Variants in NAA11 observed in about 807,000 individuals in gnomAD.
The protein encoded by NAA11 is N-alpha-acetyltransferase 11.
NAA11 carries 15 observed loss-of-function variants against 16.1 expected under a neutral mutation model. The observed-to-expected ratio is 0.93, with a 90% CI of 0.62 to 1.44. NAA11 has a LOEUF of 1.44. Among genes scored for constraint, NAA11 ranks in the 40% most tolerant of loss-of-function variants. The pLI is 0.00. For synonymous variants in NAA11, 122 were observed against 112.4 expected (o/e 1.09, Z -0.54); for missense variants, 298 against 291.3 (o/e 1.02, Z -0.17).
At chr4:79,200,260 TA>T in the NAA11 span, among the ~76,000 whole-genome samples, 2 of 151,898 alleles carry the variant, frequency 1.3e-5, no homozygotes, top group Non-Finnish European at 2.9e-5. Context: ...TTAATATACC[TA>T]AAAAACTCAG....
intron 2 of NAA11, among the ~76,000 whole-genome samples, chr4:79,236,619 A>T (rs1237305089): frequency 2.0e-5 from 3 of 152,178 alleles, no homozygotes; most frequent in Admixed American, 1.3e-4. Flanking sequence ...TAAAATCTTA[A>T]TTATATCATT....
Position 79,317,182 on chromosome 4 carries a change from T to G in NAA11, c.*622A>C, listed in dbSNP as rs1462506710. ...AAATCTCCAAGTTCTGATTGTACAG[T>G]AGAAGCTCCTAACTTAACACCTTTT... On this transcript the variant is annotated 3_prime_UTR_variant, in exon 2 of 2. Transcript: ENST00000286794. 2.0e-5 allele frequency: 3 copies of G among 152,236 alleles called. No homozygotes were observed. The highest frequency in any genetic ancestry group is 2.9e-5 in the Non-Finnish European group (2 of 68,022). The allele number at this position is 152,236 out of a possible 1,614,324, so 9.4% of individuals were successfully genotyped here. A position where few individuals can be genotyped will look rare whatever the true frequency, so the allele number is the denominator to read the frequency against.
At chr4:79,284,050 G>A (rs551407229) in intron 2 of NAA11, among the ~76,000 whole-genome samples, 40 of 152,016 alleles carry the variant, frequency 2.6e-4, no homozygotes, top group Non-Finnish European at 5.0e-4. Context: ...GGGTAGATGG[G>A]GCAGTACATG....
intron 2 of NAA11, among the ~76,000 whole-genome samples, chr4:79,242,056 C>T (rs1721708332): frequency 6.6e-6 from 1 of 152,216 alleles, no homozygotes; most frequent in Non-Finnish European, 1.5e-5. Flanking sequence ...CTGCTTCTTG[C>T]TCCTCATGCT....
downstream of NAA11, among the ~76,000 whole-genome samples, chr4:79,315,099 G>C (rs1199963527): frequency 6.6e-6 from 1 of 151,788 alleles, no homozygotes; most frequent in Non-Finnish European, 1.5e-5. Context: ...TGAGCTTTAA[G>C]ACCCTTACTA....
chr4:79,265,370 A>C (rs145025720), intron 2 of NAA11, among the ~76,000 whole-genome samples: 2 of 152,236 alleles, frequency 1.3e-5, no homozygotes, highest in East Asian at 3.9e-4. Context: ...CTTAAAACTT[A>C]AGTCCAAACA....
At chr4:79,171,987 A>T in the NAA11 span, among the ~76,000 whole-genome samples, 2 of 152,146 alleles carry the variant, frequency 1.3e-5, no homozygotes, top group East Asian at 3.8e-4. Flanking sequence ...TTTTTATTTT[A>T]TGAGTGTAGA....
chr4:79,246,219 C>T (rs968977528), intron 2 of NAA11, among the ~76,000 whole-genome samples: 19 of 151,940 alleles, frequency 1.3e-4, no homozygotes, highest in African/African-American at 4.4e-4. Flanking sequence ...CTCAAGTACC[C>T]AGGGACACAA....
At chr4:79,194,392 C>T in the NAA11 span, among the ~76,000 whole-genome samples, 1 of 151,996 alleles carries the variant, frequency 6.6e-6, no homozygotes, top group Admixed American at 6.6e-5. Flanking sequence ...ATAAGTACAA[C>T]ATAGTGTGTT....
chr4:79,160,358 G>A, the NAA11 span, among the ~76,000 whole-genome samples: 1 of 152,058 alleles, frequency 6.6e-6, no homozygotes, highest in Non-Finnish European at 1.5e-5. Flanking sequence ...CATTTTTTAT[G>A]GACTATTGTT....
chr4:79,283,904 TG>T (rs1274726473), intron 2 of NAA11, among the ~76,000 whole-genome samples: 1 of 152,114 alleles, frequency 6.6e-6, no homozygotes, highest in Admixed American at 6.5e-5. Flanking sequence ...TTATGTTAAT[TG>T]GAATTATATT....
intron 2 of NAA11, among the ~76,000 whole-genome samples, chr4:79,278,346 C>G (rs1363919019): frequency 6.6e-6 from 1 of 152,040 alleles, no homozygotes; most frequent in Admixed American, 6.6e-5. Flanking sequence ...TTCCATATTG[C>G]CAAAAGAAGA....
At chr4:79,314,012 G>C (rs1171626866), downstream of NAA11, among the ~76,000 whole-genome samples, 5 of 152,144 alleles carry the variant, frequency 3.3e-5, no homozygotes, top group Non-Finnish European at 5.9e-5. Flanking sequence ...GCTGTATACT[G>C]CCATTGCCAA....
At position 79,317,195 on chromosome 4, in the gene NAA11, C is replaced by G. The variant is rs1723950662; in HGVS notation, c.*609G>C. ...CTGATTGTACAGTAGAAGCTCCTAA[C>G]TTAACACCTTTTCCCACTGGGAAGG... On this transcript the variant is annotated 3_prime_UTR_variant, in exon 2 of 2. Transcript: ENST00000286794. 1 of 152,110 alleles carries G rather than the reference C, an allele frequency of 6.6e-6. No individual in the cohort carries two copies. The highest frequency in any genetic ancestry group is 6.6e-5 in the Admixed American group (1 of 15,262). 9.4% of individuals were successfully genotyped at this position (152,110 alleles called of 1,614,324 possible).
the NAA11 span, among the ~76,000 whole-genome samples, chr4:79,170,186 G>A: frequency 6.6e-6 from 1 of 152,176 alleles, no homozygotes; most frequent in Non-Finnish European, 1.5e-5. Context: ...ATCACACAGG[G>A]TCCTGCACTC....
At chr4:79,310,825 G>C (rs1489193963) in intron 1 of NAA11, among the ~76,000 whole-genome samples, 1 of 152,178 alleles carries the variant, frequency 6.6e-6, no homozygotes, top group African/African-American at 2.4e-5. Context: ...TTGACCGATA[G>C]ATTTAACTAT....
chr4:79,325,749 G>C lies in NAA11; in HGVS notation c.129C>G (p.Tyr43Ter). The C allele has an allele frequency of 6.2e-7, 1 of 1,614,242 alleles. No homozygotes were observed. The highest frequency in any genetic ancestry group is 8.5e-7 in the Non-Finnish European group (1 of 1,180,044). Residue 43 changes from tyrosine to a stop codon, truncating the protein, a stop_gained, in exon 1 of 2, where the codon TAC (tyrosine) becomes TAG (stop). Transcript: ENST00000286794. LOFTEE classifies it high-confidence loss of function. ...TCTTCCCGTCCTCATCCTCAGCGAT[G>C]TAAGAAAGCTGGGGCCAGGAAAGGC... ...YHGLSWPQLSYIAEDEDGKIV... is the reference protein window; with the variant it reads ...YHGLSWPQLS
chr4:79,282,398 G>A (rs1722814071), intron 2 of NAA11, among the ~76,000 whole-genome samples: 1 of 152,024 alleles, frequency 6.6e-6, no homozygotes, highest in African/African-American at 2.4e-5. Flanking sequence ...AGGAGTAGAA[G>A]CCAAGCACTA....
At chr4:79,208,314 TAATAA>T in the NAA11 span, among the ~76,000 whole-genome samples, 2 of 152,172 alleles carry the variant, frequency 1.3e-5, no homozygotes, top group Admixed American at 6.5e-5. Flanking sequence ...AGTGTTTTAT[TAATAA>T]TTAAATGTGA....
Sources: gnomAD v4.1 joint callset for allele counts (sites outside exome capture counted in the v4.1 genomes callset) on GRCh38, gnomAD v4.1.1 for gene constraint, MANE v1.5 for transcripts, NCBI Gene and HGNC (gene_info 2026-07-23, HGNC 2026-07-21) for gene names.